PARD3B: variants seen among roughly 807,000 people sequenced by gnomAD.
PARD3B encodes the protein par-3 family cell polarity regulator beta.
A neutral mutation model predicts 130.2 loss-of-function variants in PARD3B; 103 were observed. That is an observed-to-expected ratio of 0.79 (90% CI 0.67 to 0.93). PARD3B has a LOEUF of 0.93. Among genes scored for constraint, PARD3B ranks in the 40% least tolerant of loss-of-function variants. The pLI, the probability that PARD3B is intolerant of heterozygous loss-of-function variation, is 0.00. For missense variants in PARD3B, 1,609 were observed against 1,499.2 expected (o/e 1.07, Z -1.21); for synonymous variants, 583 against 553.2 (o/e 1.05, Z -0.76).
chr2:205,058,124 T>A (rs1332748342), intron 4 of PARD3B, among the ~76,000 whole-genome samples: 1 of 151,818 alleles, frequency 6.6e-6, no homozygotes, highest in Non-Finnish European at 1.5e-5. Context: ...CCTATGATTT[T>A]GACTACTCTA....
chr2:204,674,098 C>T (rs1299495762), intron 1 of PARD3B, among the ~76,000 whole-genome samples: 1 of 152,064 alleles, frequency 6.6e-6, no homozygotes, highest in Non-Finnish European at 1.5e-5. Context: ...TAATGAATGT[C>T]AGAAGTAGTG....
intron 15 of PARD3B, among the ~76,000 whole-genome samples, chr2:205,194,982 AG>A (rs2036602053): frequency 1.7e-5 from 2 of 117,788 alleles, no homozygotes; most frequent in South Asian, 5.2e-4. Flanking sequence ...TATTTTTAGT[AG>A]AGATGGGGTT....
chr2:205,198,953 C>T (rs1039959959), intron 15 of PARD3B, among the ~76,000 whole-genome samples: 2 of 151,938 alleles, frequency 1.3e-5, no homozygotes, highest in East Asian at 3.9e-4. Flanking sequence ...TTGGATATTA[C>T]TGTTTGGGAT....
At chr2:204,631,321 C>G (rs1332474240) in intron 1 of PARD3B, among the ~76,000 whole-genome samples, 1 of 151,600 alleles carries the variant, frequency 6.6e-6, no homozygotes, top group African/African-American at 2.4e-5. Context: ...ACGATCTCAG[C>G]TCACTGCAAC....
chr2:205,567,154 G>T (rs1301433240), intron 22 of PARD3B, among the ~76,000 whole-genome samples: 4 of 152,046 alleles, frequency 2.6e-5, no homozygotes, highest in South Asian at 4.1e-4. Context: ...GGCTCAGGAA[G>T]TATCAGTGTG....
In PARD3B at chr2:205,187,302, G is replaced by C. The variant is rs1024195446; in HGVS notation, c.2024+1439G>C. 6.6e-6 allele frequency among the ~76,000 whole-genome samples: 1 copy of C among 152,216 alleles called. No individual in the cohort carries two copies. The highest frequency in any genetic ancestry group is 1.5e-5 in the Non-Finnish European group (1 of 68,042). On this transcript the variant is annotated intron_variant, in intron 14 of 22. Transcript: ENST00000406610. The surrounding 1 kb of genome is among the most constrained non-coding windows in gnomAD (Gnocchi z 4.9). ...CGGGAGAGTAAATTGAATTGTACAAGGTGGAGCTGATCAGCCAGATGATAA... is the reference window on the plus strand; with the variant it reads ...CGGGAGAGTAAATTGAATTGTACAACGTGGAGCTGATCAGCCAGATGATAA...
intron 1 of PARD3B, among the ~76,000 whole-genome samples, chr2:204,628,278 G>GTTT (rs35913282): frequency 2.5e-4 from 37 of 147,334 alleles, no homozygotes; most frequent in African/African-American, 7.2e-4. Context: ...CTAAATTCCC[G>GTTT]TTTTTTTTTT....
At chr2:204,550,936 T>C (rs2030411116) in intron 1 of PARD3B, among the ~76,000 whole-genome samples, 1 of 152,224 alleles carries the variant, frequency 6.6e-6, no homozygotes, top group Non-Finnish European at 1.5e-5. Flanking sequence ...CTTGTATACA[T>C]AAGCTAGGCC....
chr2:204,651,707 C>T (rs2035484710), intron 1 of PARD3B, among the ~76,000 whole-genome samples: 1 of 152,188 alleles, frequency 6.6e-6, no homozygotes, highest in African/African-American at 2.4e-5. Context: ...ATTTCTTCCC[C>T]ACACTACCCC....
intron 10 of PARD3B, among the ~76,000 whole-genome samples, chr2:205,126,110 T>A (rs1320084059): frequency 6.6e-6 from 1 of 151,954 alleles, no homozygotes; most frequent in Non-Finnish European, 1.5e-5. Context: ...TAACAGGAAA[T>A]AAAAAGATAG....
chr2:204,683,813 T>C (rs1327619936), intron 1 of PARD3B, among the ~76,000 whole-genome samples: 1 of 152,158 alleles, frequency 6.6e-6, no homozygotes, highest in Non-Finnish European at 1.5e-5. Context: ...TCTGACACCA[T>C]GTTTTTCACT....
At chr2:205,203,451 T>G (rs1356183852) in intron 15 of PARD3B, among the ~76,000 whole-genome samples, 2 of 150,506 alleles carry the variant, frequency 1.3e-5, no homozygotes, top group Admixed American at 6.6e-5. Context: ...ATACTTTTAC[T>G]TTTTACTTTT....
intron 2 of PARD3B, among the ~76,000 whole-genome samples, chr2:204,892,267 G>A (rs776298639): frequency 6.6e-6 from 1 of 152,204 alleles, no homozygotes; most frequent in Non-Finnish European, 1.5e-5. Context: ...GTGCCTGGAG[G>A]TGACTGTGGA....
Position 204,735,832 on chromosome 2 carries a change from TAAAAG to T in PARD3B, c.222+49554_222+49558del, listed in dbSNP as rs556758306. Among the ~76,000 whole-genome samples the T allele has an allele frequency of 9.2e-5, 14 of 152,156 alleles. 1 individual carries two copies. The South Asian group carries it at 1.7e-3, about 18-fold the overall frequency. On this transcript the variant is annotated intron_variant, in intron 2 of 22. Coordinates refer to ENST00000406610, the MANE Select transcript of PARD3B (RefSeq NM_001302769.2). ...TTGGCACCTTGCTTTGATGCGGAAA[TAAAAG>T]AAAGGAATAATTCACATCCGCATAA...
At position 205,558,343 on chromosome 2, in the gene PARD3B, A is replaced by T. The variant is rs11683450; in HGVS notation, c.3260+4940A>T. Among the ~76,000 whole-genome samples, 85,677 of 151,906 alleles carry T rather than the reference A, an allele frequency of 0.56. 25,075 individuals are homozygous for T. The highest frequency in any genetic ancestry group is 0.76 in the Middle Eastern group (224 of 294). ...GGCATGACAGCAGCACCCTATTCGC[A>T]GGTGGGAGAGATCCAGAGATACTGC... On this transcript the variant is annotated intron_variant, in intron 22 of 22. Coordinates refer to ENST00000406610, the MANE Select transcript of PARD3B (RefSeq NM_001302769.2). This position sits in a 1 kb window ranked among gnomAD's most constrained non-coding sequence, Gnocchi z 4.8.
Position 205,263,074 on chromosome 2 carries a change from A to G in PARD3B, c.2185+17252A>G, listed in dbSNP as rs1296814986. On this transcript the variant is annotated intron_variant, in intron 16 of 22. Transcript: ENST00000406610. The surrounding 1 kb of genome is among the most constrained non-coding windows in gnomAD (Gnocchi z 4.0). ...GGGGGTAATTTATGAATCTGGAGAA[A>G]TAACAGAGTAAGAAGAGATGAAGGA... Among the ~76,000 whole-genome samples the G allele has an allele frequency of 6.6e-6, 1 of 152,106 alleles. No individual in the cohort carries two copies. Among genetic ancestry groups the G allele is most frequent in the Non-Finnish European group, 1.5e-5 (1 of 67,980 alleles).
chr2:205,577,585 A>T (rs193184066), intron 22 of PARD3B, among the ~76,000 whole-genome samples: 56 of 152,350 alleles, frequency 3.7e-4, no homozygotes, highest in Non-Finnish European at 2.2e-4. Context: ...CAGAACAAAA[A>T]ATAAAAAGCA....
At chr2:204,676,288 G>A (rs1312929182) in intron 1 of PARD3B, among the ~76,000 whole-genome samples, 1 of 151,606 alleles carries the variant, frequency 6.6e-6, no homozygotes, top group Non-Finnish European at 1.5e-5. Context: ...TCTTAAATTT[G>A]TTCATAAATT....
chr2:205,400,221 T>C (rs537569270), intron 18 of PARD3B, among the ~76,000 whole-genome samples: 1 of 152,290 alleles, frequency 6.6e-6, no homozygotes, highest in African/African-American at 2.4e-5. Context: ...TAGTCTTGAA[T>C]ATTTGTCTAT....
Sources: gnomAD v4.1 joint callset for allele counts (sites outside exome capture counted in the v4.1 genomes callset) on GRCh38, gnomAD v4.1.1 for gene constraint, Gnocchi (gnomAD v3.1) non-coding constraint, MANE v1.5 for transcripts, NCBI Gene and HGNC (gene_info 2026-07-23, HGNC 2026-07-21) for gene names.